The following CCDC3 variants were observed in gnomAD, a reference collection of about 807,000 sequenced individuals.
The protein encoded by CCDC3 is coiled-coil domain containing 3.
A neutral mutation model predicts 21.4 loss-of-function variants in CCDC3; 24 were observed. The observed-to-expected ratio is 1.12, with a 90% CI of 0.81 to 1.58. CCDC3 has a LOEUF of 1.58. Ranked by LOEUF, CCDC3 falls within the 40% of genes most tolerant of loss-of-function variation. The pLI, the probability that CCDC3 is intolerant of heterozygous loss-of-function variation, is 0.00. For synonymous variants in CCDC3, 186 were observed against 166.0 expected, an observed-to-expected ratio of 1.12 and a Z score of -0.93; for missense variants, 425 against 360.9, an observed-to-expected ratio of 1.18 and a Z score of -1.44.
chr10:12,924,283 C>T (rs1487651537), intron 2 of CCDC3, among the ~76,000 whole-genome samples: 2 of 152,090 alleles, frequency 1.3e-5, no homozygotes, highest in African/African-American at 2.4e-5. Flanking sequence ...GGCCCTTTGC[C>T]GTACAGTGTG....
At chr10:13,069,512 A>G (rs1836859052) in intron 4 of CCDC3, among the ~76,000 whole-genome samples, 1 of 152,190 alleles carries the variant, frequency 6.6e-6, no homozygotes, top group Admixed American at 6.5e-5. Flanking sequence ...ATTTCATAAC[A>G]TCAGGTGTTT....
chr10:12,898,685 G>A lies in CCDC3; in HGVS notation c.550-6C>T, dbSNP rs1834048621. ...TGCACCGAGGAGCACATGAGCTGGA[G>A]GCAGAGACAGCGTGCAAGGAGAGGA... is the stretch of plus-strand genomic sequence containing the variant. On this transcript the variant is annotated splice_polypyrimidine_tract_variant and splice_region_variant and intron_variant, in intron 2 of 2. Transcript: ENST00000378825. The A allele has an allele frequency of 2.5e-6, 4 of 1,613,710 alleles. No individual in the cohort carries two copies. In the East Asian group the frequency reaches 8.9e-5, roughly 36 times the overall value.
At chr10:12,978,345 G>C (rs902474917) in intron 2 of CCDC3, among the ~76,000 whole-genome samples, 1 of 152,202 alleles carries the variant, frequency 6.6e-6, no homozygotes, top group African/African-American at 2.4e-5. Context: ...TGAAGCGCCT[G>C]TTCCAATCAC....
intron 2 of CCDC3, among the ~76,000 whole-genome samples, chr10:12,936,586 T>C (rs1450656642): frequency 6.6e-6 from 1 of 152,132 alleles, no homozygotes; most frequent in Non-Finnish European, 1.5e-5. Context: ...TAGGTATAGG[T>C]TTTTGGCATT....
intron 3 of CCDC3, among the ~76,000 whole-genome samples, chr10:13,091,820 CAAAAAAAA>C (rs5783305): frequency 2.6e-4 from 33 of 127,334 alleles, no homozygotes; most frequent in Admixed American, 5.7e-4. Context: ...AAGCCCAATC[CAAAAAAAA>C]AAAAAAAAAA....
At chr10:13,085,130 A>G (rs72779555) in intron 3 of CCDC3, among the ~76,000 whole-genome samples, 29,907 of 152,122 alleles carry the variant, frequency 0.2, 3,551 homozygotes, top group East Asian at 0.31. Flanking sequence ...TCTGGCTTCC[A>G]GGCAAACTGC....
At chr10:12,992,430 T>A (rs1403960846) in intron 2 of CCDC3, among the ~76,000 whole-genome samples, 1 of 151,966 alleles carries the variant, frequency 6.6e-6, no homozygotes, top group African/African-American at 2.4e-5. Flanking sequence ...TCCATTGAGA[T>A]AAAGAAAATG....
intron 5 of CCDC3, among the ~76,000 whole-genome samples, chr10:13,043,830 A>G (rs974584112): frequency 3.3e-5 from 5 of 152,088 alleles, no homozygotes; most frequent in African/African-American, 1.2e-4. Context: ...ATTGCAGGTA[A>G]CTTTTTGGTG....
chr10:13,047,235 C>CACAATG (rs1459020526), intron 5 of CCDC3, among the ~76,000 whole-genome samples: 8 of 152,230 alleles, frequency 5.3e-5, no homozygotes, highest in African/African-American at 1.9e-4. Flanking sequence ...CTTAGAAAGT[C>CACAATG]CTCTTGTGAC....
At chr10:13,052,755 C>G (rs1440206056) in intron 4 of CCDC3, among the ~76,000 whole-genome samples, 1 of 152,080 alleles carries the variant, frequency 6.6e-6, no homozygotes, top group Non-Finnish European at 1.5e-5. Flanking sequence ...GCCTGGCCAG[C>G]ATGGTGAAAC....
chr10:12,929,515 G>A (rs1834605823), intron 2 of CCDC3, among the ~76,000 whole-genome samples: 1 of 152,028 alleles, frequency 6.6e-6, no homozygotes, highest in African/African-American at 2.4e-5. Context: ...TCCTCCTTTT[G>A]ATAGACAACA....
At chr10:13,072,858 CTTTTCTTTCTTTTTTT>C in intron 4 of CCDC3, among the ~76,000 whole-genome samples, 1 of 96,802 alleles carries the variant, frequency 1.0e-5, no homozygotes, top group South Asian at 4.7e-4. Flanking sequence ...CTTTTCTTTT[CTTTTCTTTCTTTTTTT>C]TTTTTTTTTT....
At chr10:12,933,754 G>T (rs111690883) in intron 2 of CCDC3, among the ~76,000 whole-genome samples, 1 of 152,036 alleles carries the variant, frequency 6.6e-6, no homozygotes, top group East Asian at 1.9e-4. Flanking sequence ...CACTGTGCCC[G>T]GCCATAATAT....
In CCDC3 at chr10:13,017,639, T is replaced by G. The variant is rs185392951; in HGVS notation, c.-1-19127A>C. ...GATTTTTAGATACTAATGGAAATAC[T>G]AGGCACAGCCTGAGCATTTGACAAT... On this transcript the variant is annotated intron_variant, in intron 5 of 6. Coordinates refer to the CCDC3 transcript ENST00000378839. Among the ~76,000 whole-genome samples, 121 of 151,472 alleles carry G rather than the reference T, an allele frequency of 8.0e-4. 2 individuals carry two copies. Among genetic ancestry groups the G allele is most frequent in the African/African-American group, 2.6e-3 (108 of 41,224 alleles).
intron 2 of CCDC3, among the ~76,000 whole-genome samples, chr10:12,935,888 A>C (rs1239657027): frequency 1.3e-5 from 2 of 152,228 alleles, no homozygotes; most frequent in African/African-American, 4.8e-5. Flanking sequence ...CAAGTACCTT[A>C]TAATAACAAG....
chr10:12,977,606 A>C (rs906820124), intron 2 of CCDC3, among the ~76,000 whole-genome samples: 1 of 152,228 alleles, frequency 6.6e-6, no homozygotes, highest in African/African-American at 2.4e-5. Flanking sequence ...GAGGGGCTGA[A>C]GAAATAACCC....
chr10:12,927,852 A>C (rs1289096440), intron 2 of CCDC3, among the ~76,000 whole-genome samples: 1 of 152,254 alleles, frequency 6.6e-6, no homozygotes, highest in Non-Finnish European at 1.5e-5. Context: ...AATTCAGTCT[A>C]CATTTGAAAA....
intron 2 of CCDC3, among the ~76,000 whole-genome samples, chr10:12,949,560 T>C (rs1834978625): frequency 6.6e-6 from 1 of 152,196 alleles, no homozygotes; most frequent in African/African-American, 2.4e-5. Flanking sequence ...CCAGTATTAC[T>C]AGGGTTTTCC....
intron 2 of CCDC3, among the ~76,000 whole-genome samples, chr10:12,934,747 A>AG (rs1834708084): frequency 6.6e-6 from 1 of 152,168 alleles, no homozygotes; most frequent in African/African-American, 2.4e-5. Flanking sequence ...TCTAAAATTA[A>AG]TATAGCTACT....
Sources: allele counts gnomAD v4.1 joint callset (sites outside exome capture counted in the v4.1 genomes callset), GRCh38; gene constraint gnomAD v4.1.1; transcripts MANE v1.5; gene names NCBI Gene and HGNC (gene_info 2026-07-23, HGNC 2026-07-21).